RABEP1: variants seen among roughly 807,000 people sequenced by gnomAD.
The protein encoded by RABEP1 is rab GTPase-binding effector protein 1.
A neutral mutation model predicts 123.4 loss-of-function variants in RABEP1; 51 were observed. That is an observed-to-expected ratio of 0.41 (90% CI 0.33 to 0.52). The LOEUF (loss-of-function observed/expected upper bound fraction) is 0.52. Among genes scored for constraint, RABEP1 ranks in the 20% least tolerant of loss-of-function variants. The pLI is 0.16. For missense variants in RABEP1, 888 were observed against 996.3 expected, an observed-to-expected ratio of 0.89 and a Z score of 1.46; for synonymous variants, 347 against 355.2, an observed-to-expected ratio of 0.98 and a Z score of 0.26.
chr17:5,382,930 C>CAAAAAAA (rs971836974), intron 17 of RABEP1, among the ~76,000 whole-genome samples, 192 bp from the exon 18 acceptor site: 262 of 151,292 alleles, frequency 1.7e-3, no homozygotes, highest in African/African-American at 5.9e-3. Flanking sequence ...CTCTCCCCCC[C>CAAAAAAA]AAAAAAAAAT....
At chr17:5,316,106 A>G (rs1272945961) in intron 2 of RABEP1, among the ~76,000 whole-genome samples, 2 of 152,174 alleles carry the variant, frequency 1.3e-5, no homozygotes, top group Non-Finnish European at 2.9e-5. Context: ...CAAAATAGAT[A>G]TTTTAGGCAT....
chr17:5,376,681 AAGTG>A (rs924731629), intron 13 of RABEP1, among the ~76,000 whole-genome samples: 7 of 152,192 alleles, frequency 4.6e-5, no homozygotes, highest in African/African-American at 1.7e-4. Flanking sequence ...ATGAATGAAT[AAGTG>A]AGTAAGTAAA....
intron 5 of RABEP1, among the ~76,000 whole-genome samples, chr17:5,339,043 C>G (rs1244407968): frequency 6.6e-6 from 1 of 152,008 alleles, no homozygotes; most frequent in Non-Finnish European, 1.5e-5. Flanking sequence ...TGTTGTCCCA[C>G]CTACTTGGGA....
intron 5 of RABEP1, among the ~76,000 whole-genome samples, chr17:5,338,994 C>CA (rs1907338523): frequency 6.6e-6 from 1 of 152,036 alleles, no homozygotes; most frequent in South Asian, 2.1e-4. Context: ...CCTGTCTCTA[C>CA]AAAAATTTTT....
intron 2 of RABEP1, among the ~76,000 whole-genome samples, chr17:5,322,982 A>G (rs1178861257): frequency 1.1e-4 from 16 of 152,134 alleles, no homozygotes; most frequent in Admixed American, 1.0e-3. Flanking sequence ...AGGCTGAGGC[A>G]TGAGAATTGC....
intron 11 of RABEP1, among the ~76,000 whole-genome samples, chr17:5,368,037 A>G (rs543400855): frequency 4.5e-4 from 68 of 152,208 alleles, no homozygotes; most frequent in South Asian, 1.5e-3. Context: ...GATTACAGGC[A>G]TAAGCCACTG....
intron 8 of RABEP1, among the ~76,000 whole-genome samples, chr17:5,358,793 G>A (rs938611616): frequency 6.6e-6 from 1 of 152,074 alleles, no homozygotes; most frequent in Non-Finnish European, 1.5e-5. Context: ...TCTCGTTCTT[G>A]CCACCCAGGC....
At chr17:5,336,301 T>C (rs943949744) in intron 4 of RABEP1, among the ~76,000 whole-genome samples, 7 of 152,196 alleles carry the variant, frequency 4.6e-5, no homozygotes, top group Non-Finnish European at 8.8e-5. Context: ...ATCTGAAAAA[T>C]TGGGAAGATA....
intron 2 of RABEP1, among the ~76,000 whole-genome samples, chr17:5,311,697 C>CAAAA (rs35876639): frequency 1.3e-3 from 92 of 70,700 alleles, no homozygotes; most frequent in East Asian, 3.2e-3. Flanking sequence ...GACTTCATCT[C>CAAAA]AAAAAAAAAA....
chr17:5,322,949 A>G (rs1905531101), intron 2 of RABEP1, among the ~76,000 whole-genome samples: 1 of 152,230 alleles, frequency 6.6e-6, no homozygotes, highest in Non-Finnish European at 1.5e-5. Flanking sequence ...GGTGGTGCAC[A>G]CCTGCAATCC....
rs1555521415 is a variant in RABEP1 at position 5,332,596 on chromosome 17, A to ATAT, written c.367+445_367+446insATT. The stretch of plus-strand genomic sequence containing the variant: ...GTGTAGTTTGGCCATACGTTTTAGA[A>ATAT]TTTTTTTTTTTTTTTTTTTTTGAGA... On this transcript the variant is annotated intron_variant, in intron 3 of 17. Coordinates refer to ENST00000537505, the MANE Select transcript of RABEP1 (RefSeq NM_004703.6). Among the ~76,000 whole-genome samples, 87 of 105,880 alleles carry ATAT rather than the reference A, an allele frequency of 8.2e-4. 1 individual carries two copies. Among genetic ancestry groups the ATAT allele is most frequent in the Middle Eastern group, 5.2e-3 (1 of 194 alleles). The allele number at this position is 105,880 out of a possible 152,430, so 69.5% of individuals were successfully genotyped here.
Position 5,383,332 on chromosome 17 carries a change from G to T in RABEP1, c.*109G>T. On this transcript the variant is annotated 3_prime_UTR_variant, in exon 18 of 18. Coordinates refer to ENST00000537505, the MANE Select transcript of RABEP1 (RefSeq NM_004703.6). ...TGAAGAAAGAGAAGTCACAACAAAA[G>T]GAAGACTGGAGAAATGCTTACTTCT... is the stretch of plus-strand genomic sequence containing the variant. The T allele has an allele frequency of 2.3e-6, 2 of 881,964 alleles. No individual in the cohort carries two copies. The highest frequency in any genetic ancestry group is 1.7e-5 in the African/African-American group (1 of 59,746). 54.6% of individuals were successfully genotyped at this position (881,964 alleles called of 1,614,324 possible).
chr17:5,377,816 G>A (rs983262789), intron 14 of RABEP1, among the ~76,000 whole-genome samples: 2 of 152,134 alleles, frequency 1.3e-5, no homozygotes, highest in Non-Finnish European at 2.9e-5. Flanking sequence ...GTAAGCCAAC[G>A]CGCCTGGCCG....
chr17:5,304,116 G>T (rs2075159962), intron 1 of RABEP1, among the ~76,000 whole-genome samples: 1 of 152,018 alleles, frequency 6.6e-6, no homozygotes, highest in African/African-American at 2.4e-5. Context: ...TTGAGTCTTA[G>T]AAATATTTTA....
chr17:5,385,080 C>A lies in RABEP1; in HGVS notation c.*1857C>A, dbSNP rs1269318507. The A allele has an allele frequency of 4.4e-6, 1 of 229,262 alleles. No individual in the cohort carries two copies. Among genetic ancestry groups the A allele is most frequent in the African/African-American group, 2.2e-5 (1 of 45,158 alleles). The allele number at this position is 229,262 out of a possible 1,614,324, so 14.2% of individuals were successfully genotyped here. A position where few individuals can be genotyped will look rare whatever the true frequency, so the allele number is the denominator to read the frequency against. On this transcript the variant is annotated 3_prime_UTR_variant, in exon 18 of 18. Coordinates refer to ENST00000537505, the MANE Select transcript of RABEP1 (RefSeq NM_004703.6). ...AGAAGATGGTGCTGGGTAATAAAAT[C>A]ATCACAATTAGGGAATGGTTAGTGG...
intron 1 of RABEP1, among the ~76,000 whole-genome samples, chr17:5,304,271 G>A (rs2075161554): frequency 1.3e-5 from 2 of 152,068 alleles, no homozygotes; most frequent in South Asian, 2.1e-4. Context: ...CCCTTTGGAT[G>A]TCAAGCATTA....
chr17:5,333,217 C>T (rs1281230139), intron 3 of RABEP1, among the ~76,000 whole-genome samples: 1 of 152,098 alleles, frequency 6.6e-6, no homozygotes, highest in Non-Finnish European at 1.5e-5. Flanking sequence ...GGCTGGAGTG[C>T]AGCGGCACCA....
At chr17:5,363,824 T>C (rs1320959793) in intron 10 of RABEP1, among the ~76,000 whole-genome samples, 2 of 152,164 alleles carry the variant, frequency 1.3e-5, no homozygotes, top group Non-Finnish European at 2.9e-5. Flanking sequence ...AGATTTGGTA[T>C]GCTGAGATTG....
chr17:5,317,349 A>G (rs2075308138), intron 2 of RABEP1, among the ~76,000 whole-genome samples: 1 of 152,170 alleles, frequency 6.6e-6, no homozygotes, highest in Non-Finnish European at 1.5e-5. Context: ...AGACACAGAA[A>G]AAGTATTTGA....
Sources: gnomAD v4.1 joint callset for allele counts (sites outside exome capture counted in the v4.1 genomes callset) on GRCh38, gnomAD v4.1.1 for gene constraint, MANE v1.5 for transcripts, NCBI Gene and HGNC (gene_info 2026-07-23, HGNC 2026-07-21) for gene names.